PTPN11: variants seen among roughly 807,000 people sequenced by gnomAD.
PTPN11 encodes protein tyrosine phosphatase non-receptor type 11.
In PTPN11, 6 loss-of-function variants were observed where a neutral mutation model predicts 78.8. The observed-to-expected ratio is 0.08, with a 90% CI of 0.04 to 0.15. The LOEUF is 0.15. Ranked by LOEUF, PTPN11 falls within the 10% of genes least tolerant of loss-of-function variation. The pLI, the probability that PTPN11 is intolerant of heterozygous loss-of-function variation, is 1.00. For missense variants in PTPN11, 386 were observed against 744.8 expected (o/e 0.52, Z 5.61); for synonymous variants, 221 against 263.5 (o/e 0.84, Z 1.56).
chr12:112,419,162 C>G (rs752053635), intron 1 of PTPN11, 37 bp downstream of exon 1: 4 of 1,484,604 alleles, frequency 2.7e-6, no homozygotes, highest in East Asian at 5.7e-5. Flanking sequence ...GGGCCTCGGC[C>G]CGGCCACCGC....
chr12:112,449,978 T>A lies in PTPN11; in HGVS notation c.138-340T>A, dbSNP rs555493339. On this transcript the variant is annotated intron_variant, in intron 2 of 15. Coordinates refer to ENST00000351677, the MANE Select transcript of PTPN11 (RefSeq NM_002834.5). ...TTCTTGGGAGGCTGAGGTAGGAGAA[T>A]CACTTGAACCTGGATTTATAATGTA... 2.2e-4 allele frequency among the ~76,000 whole-genome samples: 34 copies of A among 151,712 alleles called. 1 individual carries two copies. Among genetic ancestry groups the A allele is most frequent in the South Asian group, 6.2e-4 (3 of 4,810 alleles).
chr12:112,500,834 C>G (rs2038866456), intron 13 of PTPN11, among the ~76,000 whole-genome samples: 1 of 152,188 alleles, frequency 6.6e-6, no homozygotes, highest in Non-Finnish European at 1.5e-5. Flanking sequence ...TCAAGTGATC[C>G]ATCTGCTTTG....
intron 10 of PTPN11, among the ~76,000 whole-genome samples, chr12:112,483,650 G>A (rs1406384399): frequency 6.6e-6 from 1 of 152,206 alleles, no homozygotes; most frequent in East Asian, 1.9e-4. Flanking sequence ...GGCAGGAGTT[G>A]TTCTAGGGAT....
At chr12:112,487,504 G>A (rs139472447) in intron 11 of PTPN11, among the ~76,000 whole-genome samples, 3 of 152,140 alleles carry the variant, frequency 2.0e-5, no homozygotes, top group Admixed American at 1.3e-4. Flanking sequence ...CAAGATTCCA[G>A]CTGCTTTTCC....
intron 13 of PTPN11, among the ~76,000 whole-genome samples, chr12:112,490,304 CTTTTTT>C (rs1258631865): frequency 7.8e-6 from 1 of 128,734 alleles, no homozygotes; most frequent in Admixed American, 8.2e-5. Context: ...TCAGGGATGT[CTTTTTT>C]TTTTTTTTTT....
chr12:112,469,279 T>C (rs980729161), intron 6 of PTPN11, among the ~76,000 whole-genome samples: 1 of 152,068 alleles, frequency 6.6e-6, no homozygotes, highest in Non-Finnish European at 1.5e-5. Context: ...TTCATCCTTA[T>C]CTAGTCCGTA....
chr12:112,442,098 A>G (rs1363639382), intron 1 of PTPN11, among the ~76,000 whole-genome samples: 1 of 152,202 alleles, frequency 6.6e-6, no homozygotes, highest in Non-Finnish European at 1.5e-5. Context: ...TTTGCTGGTA[A>G]CTAGAGAGGA....
intron 1 of PTPN11, among the ~76,000 whole-genome samples, chr12:112,436,820 A>G (rs1479386121): frequency 6.6e-6 from 1 of 152,092 alleles, no homozygotes; most frequent in Non-Finnish European, 1.5e-5. Flanking sequence ...TTTCCAAAGA[A>G]TGATTGATTT....
At chr12:112,438,084 G>A (rs2037822433) in intron 1 of PTPN11, among the ~76,000 whole-genome samples, 2 of 152,084 alleles carry the variant, frequency 1.3e-5, no homozygotes, top group African/African-American at 4.8e-5. Flanking sequence ...TGGACTTTCT[G>A]TTTCTGGGGG....
At chr12:112,492,348 C>T (rs1204462589) in intron 13 of PTPN11, among the ~76,000 whole-genome samples, 2 of 151,856 alleles carry the variant, frequency 1.3e-5, no homozygotes, top group East Asian at 3.9e-4. Flanking sequence ...GGACTACAGG[C>T]GTAGCAAAAA....
chr12:112,462,510 C>T (rs1010034047), intron 6 of PTPN11, among the ~76,000 whole-genome samples: 47 of 152,256 alleles, frequency 3.1e-4, no homozygotes, highest in African/African-American at 1.1e-3. Context: ...TACACAAATA[C>T]TGGCTTTGAT....
chr12:112,421,307 A>C (rs1452296187), intron 1 of PTPN11, among the ~76,000 whole-genome samples: 1 of 152,246 alleles, frequency 6.6e-6, no homozygotes, highest in South Asian at 2.1e-4. Flanking sequence ...CAGTTTTGAC[A>C]TACATATACA....
In PTPN11 at chr12:112,419,137, C is replaced by T. The variant is rs776366705; in HGVS notation, c.14+12C>T. Reference sequence around the variant, plus strand: ...ATGACATCGCGGAGGTGAGGAGCCCCGAGGGGCCCGGCGCGGGCCTCGGCC... The same window carrying T: ...ATGACATCGCGGAGGTGAGGAGCCCTGAGGGGCCCGGCGCGGGCCTCGGCC... On this transcript the variant is annotated intron_variant, in intron 1 of 15. Transcript: ENST00000351677. 1 of 1,511,882 alleles carries T rather than the reference C, an allele frequency of 6.6e-7. No individual in the cohort carries two copies. The highest frequency in any genetic ancestry group is 8.8e-7 in the Non-Finnish European group (1 of 1,133,274). 93.7% of individuals were successfully genotyped at this position (1,511,882 alleles called of 1,614,324 possible).
intron 10 of PTPN11, among the ~76,000 whole-genome samples, chr12:112,485,120 A>C (rs1276138541): frequency 3.9e-5 from 6 of 151,944 alleles, no homozygotes. Flanking sequence ...GATGTGGTAC[A>C]TGCCTGTAGT....
intron 6 of PTPN11, 83 bp downstream of exon 6, chr12:112,456,146 G>C: frequency 1.1e-6 from 1 of 899,960 alleles, no homozygotes; most frequent in Middle Eastern, 2.1e-4. Flanking sequence ...GTTTGGAATT[G>C]GACCTGAGAG....
chr12:112,426,555 C>T (rs1460204256), intron 1 of PTPN11, among the ~76,000 whole-genome samples: 1 of 152,172 alleles, frequency 6.6e-6, no homozygotes, highest in African/African-American at 2.4e-5. Context: ...CCGCAGCCGG[C>T]CAAAACTTTG....
intron 13 of PTPN11, among the ~76,000 whole-genome samples, chr12:112,491,731 G>T (rs932217194): frequency 1.3e-5 from 2 of 152,076 alleles, no homozygotes; most frequent in African/African-American, 4.8e-5. Flanking sequence ...TTGAGACAGG[G>T]TCTCACTTTG....
chr12:112,481,969 A>C (rs2038602689), intron 9 of PTPN11, 105 bp from the exon 10 acceptor site: 1 of 1,250,288 alleles, frequency 8.0e-7, no homozygotes. Context: ...GCCATTTTCC[A>C]TGTTGGTGGT....
At chr12:112,440,374 T>C (rs1016113914) in intron 1 of PTPN11, among the ~76,000 whole-genome samples, 4 of 150,632 alleles carry the variant, frequency 2.7e-5, no homozygotes, top group African/African-American at 9.8e-5. Context: ...CCTGGGTTCA[T>C]GCCATTTTCC....
Sources: allele counts gnomAD v4.1 joint callset (sites outside exome capture counted in the v4.1 genomes callset), GRCh38; gene constraint gnomAD v4.1.1; transcripts MANE v1.5; gene names NCBI Gene and HGNC (gene_info 2026-07-23, HGNC 2026-07-21).